Variants in CNBD1 observed in about 807,000 individuals in gnomAD.
CNBD1 encodes cyclic nucleotide-binding domain-containing protein 1.
CNBD1 carries 71 observed loss-of-function variants against 54.4 expected under a neutral mutation model. That is an observed-to-expected ratio of 1.30 (90% CI 1.08 to 1.59). The LOEUF (loss-of-function observed/expected upper bound fraction) is 1.59, where lower values mean the gene tolerates loss of function less well. Among genes scored for constraint, CNBD1 ranks in the 40% most tolerant of loss-of-function variants. The probability of loss-of-function intolerance (pLI) is 0.00; values close to 1 mark genes in which losing one functional copy is unlikely to be tolerated. For missense variants in CNBD1, 659 were observed against 518.0 expected, an observed-to-expected ratio of 1.27 and a Z score of -2.64; for synonymous variants, 182 against 170.7, an observed-to-expected ratio of 1.07 and a Z score of -0.51.
chr8:86,917,838 A>T (rs748710098), intron 3 of CNBD1, among the ~76,000 whole-genome samples: 1 of 152,202 alleles, frequency 6.6e-6, no homozygotes, highest in Non-Finnish European at 1.5e-5. Flanking sequence ...TATGAAATTT[A>T]CAGAAAATTG....
rs147174602 is a variant in CNBD1 at position 87,118,431 on chromosome 8, C to T, written c.432-87562C>T. Among the ~76,000 whole-genome samples, 24 of 151,410 alleles carry T rather than the reference C, an allele frequency of 1.6e-4. No individual in the cohort carries two copies. In the East Asian group the frequency reaches 4.7e-3, roughly 30 times the overall value. Reference sequence around the variant, plus strand: ...TAAATAGGAGGGTCAGGGTGAATTTCACTGAGAAAATATTATTTGAGAAAA... The same window carrying T: ...TAAATAGGAGGGTCAGGGTGAATTTTACTGAGAAAATATTATTTGAGAAAA... On this transcript the variant is annotated intron_variant, in intron 4 of 10. Transcript: ENST00000518476.
At chr8:87,311,490 A>G (rs13275404) in intron 8 of CNBD1, among the ~76,000 whole-genome samples, 40,745 of 152,014 alleles carry the variant, frequency 0.27, 6,370 homozygotes, top group Middle Eastern at 0.4. Context: ...ATGCCTGTCC[A>G]CAGTTGGTGG....
At chr8:86,978,958 T>C (rs1808406530) in intron 4 of CNBD1, among the ~76,000 whole-genome samples, 1 of 152,154 alleles carries the variant, frequency 6.6e-6, no homozygotes, top group Admixed American at 6.5e-5. Context: ...TGTATATAGC[T>C]GAACATTCCA....
chr8:87,420,255 T>A (rs1807908868), intron 2 of CNBD1, among the ~76,000 whole-genome samples: 1 of 152,032 alleles, frequency 6.6e-6, no homozygotes, highest in African/African-American at 2.4e-5. Flanking sequence ...AATGAAAATA[T>A]GTCAACTCTT....
At chr8:87,106,607 A>G (rs574342441) in intron 4 of CNBD1, among the ~76,000 whole-genome samples, 96 of 152,312 alleles carry the variant, frequency 6.3e-4, no homozygotes, top group African/African-American at 2.3e-3. Flanking sequence ...ACTTTTCACT[A>G]TTTTAATTAA....
intron 8 of CNBD1, among the ~76,000 whole-genome samples, chr8:87,333,767 G>T (rs1202350833): frequency 3.9e-5 from 6 of 152,158 alleles, no homozygotes; most frequent in African/African-American, 1.2e-4. Context: ...GATTTGGTTT[G>T]CCAGCATTTT....
chr8:86,972,361 G>A (rs1363087123), intron 4 of CNBD1, among the ~76,000 whole-genome samples: 1 of 152,172 alleles, frequency 6.6e-6, no homozygotes, highest in Non-Finnish European at 1.5e-5. Context: ...ATTGTGTGAT[G>A]TAGGCTCTTG....
At chr8:87,241,310 G>T (rs1263045939) in intron 6 of CNBD1, among the ~76,000 whole-genome samples, 4 of 120,758 alleles carry the variant, frequency 3.3e-5, no homozygotes, top group African/African-American at 1.4e-4. Context: ...TCGCTCTGTC[G>T]CCCAGGCTGG....
chr8:87,106,527 A>G (rs1275246801), intron 4 of CNBD1, among the ~76,000 whole-genome samples: 1 of 152,196 alleles, frequency 6.6e-6, no homozygotes, highest in African/African-American at 2.4e-5. Flanking sequence ...CGATGTTTCT[A>G]TAGATAATTC....
At chr8:86,899,118 T>TAA (rs111668104) in intron 2 of CNBD1, among the ~76,000 whole-genome samples, 21 of 151,508 alleles carry the variant, frequency 1.4e-4, no homozygotes, top group African/African-American at 4.9e-4. Flanking sequence ...ATGTGAAATT[T>TAA]AAAAAAACGC....
Position 87,414,361 on chromosome 8 carries a change from A to G in CNBD1, c.214-14185A>G, listed in dbSNP as rs185727906. On this transcript the variant is annotated intron_variant, in intron 2 of 7. Coordinates refer to the CNBD1 transcript ENST00000521593. ...CACAGGAAGGGGAACATCACACTCC[A>G]GGGACTGTTGTGGGGTGGGGAGAGG... Among the ~76,000 whole-genome samples, 24 of 152,004 alleles carry G rather than the reference A, an allele frequency of 1.6e-4. 1 individual carries two copies. The South Asian group carries it at 2.3e-3, about 14-fold the overall frequency.
intron 4 of CNBD1, among the ~76,000 whole-genome samples, chr8:86,964,817 C>T (rs1808028465): frequency 6.6e-6 from 1 of 152,160 alleles, no homozygotes; most frequent in South Asian, 2.1e-4. Flanking sequence ...TGCAGCCTCT[C>T]CTGAGATGGT....
At chr8:87,005,268 G>A (rs1255510632) in intron 4 of CNBD1, among the ~76,000 whole-genome samples, 1 of 151,910 alleles carries the variant, frequency 6.6e-6, no homozygotes, top group Non-Finnish European at 1.5e-5. Flanking sequence ...TACTCTGGAG[G>A]CTGAGGCAGG....
intron 4 of CNBD1, among the ~76,000 whole-genome samples, chr8:87,140,155 A>G (rs894113752): frequency 6.6e-6 from 1 of 152,118 alleles, no homozygotes; most frequent in Non-Finnish European, 1.5e-5. Flanking sequence ...TATTGCCAAC[A>G]ACATGTTATT....
chr8:87,293,303 G>A (rs1162600612), intron 8 of CNBD1, among the ~76,000 whole-genome samples: 2 of 152,088 alleles, frequency 1.3e-5, no homozygotes, highest in African/African-American at 4.8e-5. Context: ...TGGCACTTTG[G>A]GAGGCTGAGG....
intron 2 of CNBD1, among the ~76,000 whole-genome samples, chr8:87,425,113 C>A (rs1025313108): frequency 1.3e-5 from 2 of 152,054 alleles, no homozygotes; most frequent in African/African-American, 4.8e-5. Flanking sequence ...TTGATCGCAT[C>A]GGCTCCTGAG....
intron 4 of CNBD1, among the ~76,000 whole-genome samples, chr8:87,187,399 C>G (rs1440958399): frequency 6.6e-6 from 1 of 150,796 alleles, no homozygotes; most frequent in Non-Finnish European, 1.5e-5. Context: ...ATGGTTCTAA[C>G]TTTATATGAG....
At chr8:87,190,877 A>ACATGTACCTATATCTATTTAGATATAGG (rs1563501547) in intron 4 of CNBD1, among the ~76,000 whole-genome samples, 713 of 55,686 alleles carry the variant, frequency 0.013, 5 homozygotes, top group Non-Finnish European at 0.023. Flanking sequence ...ATAGATATAG[A>ACATGTACCTATATCTATTTAGATATAGG]TACATGTACG....
chr8:87,316,904 T>G (rs1809397532), intron 8 of CNBD1, among the ~76,000 whole-genome samples: 1 of 151,798 alleles, frequency 6.6e-6, no homozygotes, highest in South Asian at 2.1e-4. Flanking sequence ...ATTCATTATA[T>G]AATGGAATGC....
Sources: allele counts gnomAD v4.1 joint callset (sites outside exome capture counted in the v4.1 genomes callset), GRCh38; gene constraint gnomAD v4.1.1; transcripts MANE v1.5; gene names NCBI Gene and HGNC (gene_info 2026-07-23, HGNC 2026-07-21).